Variants in THSD7B observed in about 807,000 individuals in gnomAD.
The protein encoded by THSD7B is thrombospondin type-1 domain-containing protein 7B.
THSD7B carries 138 observed loss-of-function variants against 213.6 expected under a neutral mutation model. The observed-to-expected ratio is 0.65, with a 90% CI of 0.56 to 0.74. THSD7B has a LOEUF of 0.74. THSD7B is among the 30% of genes least tolerant of loss of function. The pLI is 0.00. For missense variants in THSD7B, 1,931 were observed against 1,991.5 expected, an observed-to-expected ratio of 0.97 and a Z score of 0.58; for synonymous variants, 742 against 687.0, an observed-to-expected ratio of 1.08 and a Z score of -1.25.
chr2:137,465,416 C>T (rs1687974038), intron 15 of THSD7B, among the ~76,000 whole-genome samples: 1 of 152,068 alleles, frequency 6.6e-6, no homozygotes, highest in Non-Finnish European at 1.5e-5. Flanking sequence ...GACCCCTGCT[C>T]CTCTTCCTGG....
intron 12 of THSD7B, among the ~76,000 whole-genome samples, chr2:137,366,134 C>T (rs1269953831): frequency 3.3e-5 from 5 of 152,040 alleles, no homozygotes; most frequent in African/African-American, 9.7e-5. Flanking sequence ...AGCAAACTAT[C>T]GCAAGGACAG....
intron 4 of THSD7B, among the ~76,000 whole-genome samples, chr2:137,105,489 C>A (rs908316140): frequency 6.6e-6 from 1 of 152,116 alleles, no homozygotes; most frequent in Non-Finnish European, 1.5e-5. Flanking sequence ...CCTTTGAAAA[C>A]CTGCACAAGA....
intron 14 of THSD7B, among the ~76,000 whole-genome samples, chr2:137,441,139 A>G (rs72847201): frequency 0.061 from 9,247 of 152,240 alleles, 436 homozygotes; most frequent in Non-Finnish European, 0.096. Flanking sequence ...CAACATGCAT[A>G]TCATTTTTAA....
Position 137,234,998 on chromosome 2 carries a change from A to G in THSD7B, c.2150+1865A>G, listed in dbSNP as rs1211395201. Among the ~76,000 whole-genome samples the G allele has an allele frequency of 3.3e-5, 5 of 152,192 alleles. No individual in the cohort carries two copies. The South Asian group carries it at 1.0e-3, about 32-fold the overall frequency. On this transcript the variant is annotated intron_variant, in intron 9 of 27. Transcript: ENST00000409968. The stretch of plus-strand genomic sequence containing the variant: ...ATTTTTCAACTTACCTGGTAGCCAT[A>G]GCGGCACATGGATTGATTGGACCAA...
chr2:137,049,028 A>G (rs1429026399), intron 2 of THSD7B, among the ~76,000 whole-genome samples: 1 of 152,206 alleles, frequency 6.6e-6, no homozygotes, highest in African/African-American at 2.4e-5. Context: ...ATTTTCTTCC[A>G]CTTCTCCAGG....
At chr2:137,362,293 A>G (rs2104936838) in intron 12 of THSD7B, among the ~76,000 whole-genome samples, 1 of 152,358 alleles carries the variant, frequency 6.6e-6, no homozygotes, top group African/African-American at 2.4e-5. Flanking sequence ...CAAATTGTAA[A>G]GACCATCGAT....
At chr2:136,895,606 C>T (rs1319926666) in intron 2 of THSD7B, among the ~76,000 whole-genome samples, 1 of 136,926 alleles carries the variant, frequency 7.3e-6, no homozygotes, top group Non-Finnish European at 1.5e-5. Flanking sequence ...TTATTTTAAG[C>T]AACTTTATTG....
At chr2:137,258,617 C>T (rs1275568469) in intron 10 of THSD7B, among the ~76,000 whole-genome samples, 1 of 152,070 alleles carries the variant, frequency 6.6e-6, no homozygotes. Context: ...GCCCCCCACC[C>T]GCCACAGGCA....
intron 12 of THSD7B, among the ~76,000 whole-genome samples, chr2:137,314,194 C>T (rs1172941123): frequency 1.3e-5 from 2 of 152,128 alleles, no homozygotes; most frequent in East Asian, 3.8e-4. Flanking sequence ...TTCTTGGAGG[C>T]TTTGCTCATT....
chr2:137,308,606 A>G (rs1329861840), intron 12 of THSD7B, among the ~76,000 whole-genome samples: 4 of 151,990 alleles, frequency 2.6e-5, no homozygotes, highest in Non-Finnish European at 5.9e-5. Context: ...TGTTTATATA[A>G]TTTTTTTCTG....
chr2:137,608,171 G>A (rs1170336987), intron 17 of THSD7B, among the ~76,000 whole-genome samples: 2 of 152,146 alleles, frequency 1.3e-5, no homozygotes, highest in Non-Finnish European at 2.9e-5. Context: ...CAGGCAGCAA[G>A]CCTTATTTAT....
intron 6 of THSD7B, among the ~76,000 whole-genome samples, chr2:137,169,375 C>A (rs1250309246): frequency 6.6e-6 from 1 of 151,314 alleles, no homozygotes; most frequent in Non-Finnish European, 1.5e-5. Flanking sequence ...TGTGTTCTAG[C>A]CTCCTTGGCT....
chr2:136,845,150 G>A (rs978637043), intron 1 of THSD7B, among the ~76,000 whole-genome samples: 3 of 152,212 alleles, frequency 2.0e-5, no homozygotes, highest in African/African-American at 7.2e-5. Context: ...CTCTAGAGAT[G>A]TTGTGAAGCC....
chr2:136,776,969 C>T (rs62161463), intron 1 of THSD7B, among the ~76,000 whole-genome samples: 3,709 of 152,056 alleles, frequency 0.024, 83 homozygotes, highest in South Asian at 0.046. Flanking sequence ...AGGAGGCAAA[C>T]GATTCAACTG....
At chr2:137,487,234 G>A (rs1422749030) in intron 15 of THSD7B, among the ~76,000 whole-genome samples, 1 of 148,060 alleles carries the variant, frequency 6.8e-6, no homozygotes, top group Non-Finnish European at 1.5e-5. Context: ...CGGGCGCAGT[G>A]GCGGGCGCCT....
At chr2:137,088,518 TA>T (rs1262036592) in intron 3 of THSD7B, among the ~76,000 whole-genome samples, 13 of 151,704 alleles carry the variant, frequency 8.6e-5, no homozygotes, top group South Asian at 2.1e-4. Context: ...CATGAAACTT[TA>T]AAAATTCTGG....
intron 16 of THSD7B, among the ~76,000 whole-genome samples, chr2:137,571,142 GC>G (rs1198897523): frequency 6.6e-6 from 1 of 152,020 alleles, no homozygotes. Context: ...CTCAAAGGTA[GC>G]CACTTTTCTG....
chr2:137,202,344 G>T (rs1680895231), intron 7 of THSD7B, among the ~76,000 whole-genome samples: 1 of 152,128 alleles, frequency 6.6e-6, no homozygotes, highest in Non-Finnish European at 1.5e-5. Flanking sequence ...GATAATCCTG[G>T]ATTATCTCAG....
chr2:136,806,873 G>T (rs1042837261), intron 1 of THSD7B, among the ~76,000 whole-genome samples: 6 of 152,128 alleles, frequency 3.9e-5, no homozygotes, highest in Admixed American at 2.6e-4. Context: ...GATTGTCTTT[G>T]TTTTTGAGGA....
Sources: gnomAD v4.1 joint callset for allele counts (sites outside exome capture counted in the v4.1 genomes callset) on GRCh38, gnomAD v4.1.1 for gene constraint, MANE v1.5 for transcripts, NCBI Gene and HGNC (gene_info 2026-07-23, HGNC 2026-07-21) for gene names.